RALB: variants seen among roughly 807,000 people sequenced by gnomAD.
RALB encodes the protein ras-related protein Ral-B.
A neutral mutation model predicts 21.3 loss-of-function variants in RALB; 16 were observed. The ratio of observed to expected loss-of-function variants is 0.75; its 90% CI spans 0.51 to 1.14. The LOEUF is 1.14. Ranked by LOEUF, RALB falls within the 50% of genes most tolerant of loss-of-function variation. The pLI is 0.00. For missense variants in RALB, 161 were observed against 256.2 expected (o/e 0.63, Z 2.54); for synonymous variants, 93 against 96.1 (o/e 0.97, Z 0.19).
At chr2:120,279,717 C>T (rs927132536) in intron 2 of RALB, among the ~76,000 whole-genome samples, 4 of 152,090 alleles carry the variant, frequency 2.6e-5, no homozygotes, top group Admixed American at 2.0e-4. Context: ...GAGAGTGTTC[C>T]GAGCAGAGCT....
At chr2:120,275,596 AC>A (rs1689773408) in intron 1 of RALB, among the ~76,000 whole-genome samples, 2 of 152,064 alleles carry the variant, frequency 1.3e-5, no homozygotes. Flanking sequence ...AATGGGAACC[AC>A]TGATTTAAGA....
chr2:120,249,565 G>A (rs117354085), upstream of RALB, among the ~76,000 whole-genome samples: 49 of 152,148 alleles, frequency 3.2e-4, 1 homozygote, highest in East Asian at 8.9e-3. Context: ...GAGGTGCCAC[G>A]CACTCTTAAA....
upstream of RALB, among the ~76,000 whole-genome samples, chr2:120,252,409 G>T (rs1689073944): frequency 6.6e-6 from 1 of 152,212 alleles, no homozygotes; most frequent in Admixed American, 6.5e-5. Context: ...CCATCGCCGC[G>T]CTCCAGCACT....
At chr2:120,280,998 T>TATA (rs1369680191) in intron 2 of RALB, 1 of 319,488 alleles carries the variant, frequency 3.1e-6, no homozygotes, top group African/African-American at 2.3e-5. Flanking sequence ...TTTATTACTG[T>TATA]ATAATAATCA....
intron 1 of RALB, among the ~76,000 whole-genome samples, chr2:120,257,804 CA>C (rs1689236442): frequency 6.6e-6 from 1 of 152,158 alleles, no homozygotes; most frequent in Non-Finnish European, 1.5e-5. Flanking sequence ...TCCTTCCTCC[CA>C]CAGGAAGGAT....
rs148143386 is a variant in RALB, at chr2:120,289,631, C to T, written c.375C>T (p.Val125=). 24 of 1,613,962 alleles carry T rather than the reference C, an allele frequency of 1.5e-5. No homozygotes were observed. The African/African-American group carries it at 1.6e-4, about 11-fold the overall frequency. The change falls in exon 4 of 5, where the codon GTC becomes GTT. Residue 125 remains valine, a synonymous_variant. Transcript: ENST00000272519. The part of the protein sequence containing the change: ...KAEEDKIPLL[V]VGNKSDLEER... ...AAGAAGATAAAATTCCACTGCTCGT[C>T]GTGGGAAACAAGTCTGACCTAGAGG...
intron 2 of RALB, chr2:120,280,966 A>G: frequency 2.6e-6 from 1 of 386,542 alleles, no homozygotes; most frequent in Non-Finnish European, 5.0e-6. Flanking sequence ...TTGTGATGTC[A>G]GTGCTGTTTG....
chr2:120,259,603 G>A (rs1689298068), intron 1 of RALB, among the ~76,000 whole-genome samples: 1 of 152,222 alleles, frequency 6.6e-6, no homozygotes. Context: ...TAAACACAGG[G>A]TGCTGATTGG....
intron 1 of RALB, chr2:120,253,869 C>A (rs1263122275): frequency 3.9e-6 from 1 of 256,100 alleles, no homozygotes; most frequent in Non-Finnish European, 6.1e-6. Flanking sequence ...CTGCTCTGTC[C>A]TGGTTTCCTA....
chr2:120,248,258 C>T (rs1190414809), upstream of RALB, among the ~76,000 whole-genome samples: 2 of 152,116 alleles, frequency 1.3e-5, no homozygotes, highest in African/African-American at 4.8e-5. Context: ...AGAAGCTTGC[C>T]GGGCCTCTTT....
chr2:120,251,323 A>G (rs1212789925), upstream of RALB, among the ~76,000 whole-genome samples: 1 of 152,218 alleles, frequency 6.6e-6, no homozygotes, highest in African/African-American at 2.4e-5. Context: ...ATTGGTGATC[A>G]CACACTTGAC....
chr2:120,247,621 T>C (rs1196881416), intron 1 of RALB, among the ~76,000 whole-genome samples: 1 of 152,230 alleles, frequency 6.6e-6, no homozygotes, highest in Non-Finnish European at 1.5e-5. Flanking sequence ...TTAGTGACAA[T>C]GACTAAACTG....
intron 1 of RALB, among the ~76,000 whole-genome samples, chr2:120,261,515 C>A (rs976303294): frequency 2.0e-5 from 3 of 152,130 alleles, no homozygotes; most frequent in Non-Finnish European, 4.4e-5. Flanking sequence ...AGGGGAGAGT[C>A]ACAGCGAGAT....
chr2:120,265,798 A>G (rs1461134287), intron 1 of RALB, among the ~76,000 whole-genome samples: 1 of 152,150 alleles, frequency 6.6e-6, no homozygotes, highest in East Asian at 1.9e-4. Flanking sequence ...AAGTAGTAGT[A>G]GAATCTGTTT....
At chr2:120,259,807 G>A (rs1432358989) in intron 1 of RALB, among the ~76,000 whole-genome samples, 8 of 152,262 alleles carry the variant, frequency 5.3e-5, no homozygotes, top group Non-Finnish European at 1.0e-4. Flanking sequence ...AGGGGGTGGC[G>A]CTCGTCGGGG....
chr2:120,261,175 A>ATGTG (rs1182511219), intron 1 of RALB, among the ~76,000 whole-genome samples: 6 of 152,186 alleles, frequency 3.9e-5, no homozygotes, highest in African/African-American at 1.4e-4. Flanking sequence ...AAAGGCACAC[A>ATGTG]CGCATGTGTG....
At chr2:120,262,886 C>A (rs1398251068) in intron 1 of RALB, among the ~76,000 whole-genome samples, 1 of 152,084 alleles carries the variant, frequency 6.6e-6, no homozygotes, top group African/African-American at 2.4e-5. Flanking sequence ...GTGGAGTATG[C>A]CTTTGGTACG....
intron 1 of RALB, among the ~76,000 whole-genome samples, chr2:120,266,637 A>C (rs1400080925): frequency 1.3e-5 from 2 of 152,140 alleles, no homozygotes; most frequent in Non-Finnish European, 1.5e-5. Flanking sequence ...CTCGAGTCCC[A>C]AAGGTTGAGG....
At chr2:120,289,875 C>G in intron 4 of RALB, 118 bp downstream of exon 4, 1 of 901,340 alleles carries the variant, frequency 1.1e-6, no homozygotes, top group South Asian at 2.0e-5. Flanking sequence ...ATTCTGATTC[C>G]TATGAATGTC....
Sources: allele counts gnomAD v4.1 joint callset (sites outside exome capture counted in the v4.1 genomes callset), GRCh38; gene constraint gnomAD v4.1.1; transcripts MANE v1.5; gene names NCBI Gene and HGNC (gene_info 2026-07-23, HGNC 2026-07-21).